CAPZB: variants seen among roughly 807,000 people sequenced by gnomAD.
CAPZB encodes the protein capping actin protein of muscle Z-line subunit beta.
In CAPZB, 2 loss-of-function variants were observed where a neutral mutation model predicts 38.1. The observed-to-expected ratio is 0.05, with a 90% CI of 0.02 to 0.17. The LOEUF is 0.17. Among genes scored for constraint, CAPZB ranks in the 10% least tolerant of loss-of-function variants. The pLI is 1.00. For synonymous variants in CAPZB, 107 were observed against 127.4 expected, an observed-to-expected ratio of 0.84 and a Z score of 1.08; for missense variants, 161 against 334.2, an observed-to-expected ratio of 0.48 and a Z score of 4.04.
intron 1 of CAPZB, chr1:19,448,880 C>T (rs760754272): frequency 3.1e-6 from 5 of 1,612,746 alleles, no homozygotes; most frequent in Admixed American, 3.3e-5. Flanking sequence ...AAGGCCTGGG[C>T]GAGAGAACCC....
intron 6 of CAPZB, among the ~76,000 whole-genome samples, chr1:19,355,102 G>A (rs982986140): frequency 2.6e-5 from 4 of 152,148 alleles, no homozygotes; most frequent in African/African-American, 9.7e-5. Flanking sequence ...GTGGAGGGAG[G>A]GTCCCAGGTA....
At chr1:19,378,318 A>G (rs1443262009) in intron 4 of CAPZB, among the ~76,000 whole-genome samples, 1 of 152,200 alleles carries the variant, frequency 6.6e-6, no homozygotes, top group Non-Finnish European at 1.5e-5. Context: ...TCATCTCATA[A>G]CCAACCCAAC....
chr1:19,440,450 G>A lies in CAPZB; in HGVS notation c.4-20700C>T, dbSNP rs374797852. On this transcript the variant is annotated intron_variant, in intron 1 of 8. Coordinates refer to ENST00000264202, the MANE Select transcript of CAPZB (RefSeq NM_004930.5). ...CTTATGCAGATTAAGCATTTCCCCT[G>A]AAATCCAACCCTCACAGCTCAGTCC... Among the ~76,000 whole-genome samples the A allele has an allele frequency of 1.5e-4, 23 of 152,250 alleles. No individual in the cohort carries two copies. In the East Asian group the frequency reaches 3.7e-3, roughly 24 times the overall value.
At chr1:19,443,224 CAAA>C (rs60052942) in intron 1 of CAPZB, among the ~76,000 whole-genome samples, 2 of 138,850 alleles carry the variant, frequency 1.4e-5, no homozygotes, top group Non-Finnish European at 3.1e-5. Flanking sequence ...CCCATCTCTA[CAAA>C]AAAAAAAAAT....
intron 2 of CAPZB, among the ~76,000 whole-genome samples, chr1:19,403,231 C>T (rs977610044): frequency 1.3e-5 from 2 of 152,116 alleles, no homozygotes; most frequent in Non-Finnish European, 2.9e-5. Flanking sequence ...ACTGAATGTC[C>T]GCTTCAGGCT....
At chr1:19,375,325 T>C (rs979224795) in intron 4 of CAPZB, among the ~76,000 whole-genome samples, 1 of 151,904 alleles carries the variant, frequency 6.6e-6, no homozygotes, top group Non-Finnish European at 1.5e-5. Flanking sequence ...ACTGGGTGAG[T>C]CAAAATTCAT....
rs969626750 is a variant in CAPZB, at chr1:19,460,701, C to T, written c.3+24735G>A. 7.3e-5 allele frequency among the ~76,000 whole-genome samples: 11 copies of T among 151,164 alleles called. No homozygotes were observed. In the South Asian group the frequency reaches 2.3e-3, roughly 31 times the overall value. ...GTGCAGGGATTACAGGCATGAGCCA[C>T]CAAGTTCTGATCAACGGTACTAACC... is the stretch of plus-strand genomic sequence containing the variant. On this transcript the variant is annotated intron_variant, in intron 1 of 8. Coordinates refer to ENST00000264202, the MANE Select transcript of CAPZB (RefSeq NM_004930.5).
intron 1 of CAPZB, among the ~76,000 whole-genome samples, chr1:19,444,399 G>A (rs966332116): frequency 6.6e-6 from 1 of 151,980 alleles, no homozygotes; most frequent in Admixed American, 6.6e-5. Context: ...AACACTCTAG[G>A]GTCCAACCCT....
At chr1:19,396,765 A>AC (rs1378851430) in intron 2 of CAPZB, among the ~76,000 whole-genome samples, 6 of 143,124 alleles carry the variant, frequency 4.2e-5, no homozygotes, top group Non-Finnish European at 6.1e-5. Context: ...ACACGGTGAA[A>AC]CCCCACCTCT....
intron 3 of CAPZB, among the ~76,000 whole-genome samples, chr1:19,382,753 G>C (rs541932583): frequency 3.7e-4 from 57 of 152,150 alleles, no homozygotes; most frequent in Non-Finnish European, 7.2e-4. Flanking sequence ...CCTTCCACCA[G>C]CTCCTGCAGA....
intron 2 of CAPZB, among the ~76,000 whole-genome samples, chr1:19,413,479 G>A (rs758227384): frequency 3.3e-4 from 51 of 152,240 alleles, no homozygotes; most frequent in African/African-American, 9.9e-4. Context: ...GACCACAGGC[G>A]CATGCCACCA....
intron 1 of CAPZB, among the ~76,000 whole-genome samples, chr1:19,450,373 G>T (rs993392700): frequency 6.6e-6 from 1 of 152,072 alleles, no homozygotes; most frequent in Non-Finnish European, 1.5e-5. Flanking sequence ...ATGTCCCAAA[G>T]AACATTTCCT....
intron 2 of CAPZB, among the ~76,000 whole-genome samples, chr1:19,391,235 C>A (rs979037370): frequency 6.6e-6 from 1 of 152,034 alleles, no homozygotes; most frequent in East Asian, 1.9e-4. Context: ...AATTGTTCAA[C>A]CAGAAAAAGA....
At chr1:19,432,864 A>C (rs186348890) in intron 1 of CAPZB, among the ~76,000 whole-genome samples, 122 of 152,334 alleles carry the variant, frequency 8.0e-4, no homozygotes, top group African/African-American at 2.9e-3. Context: ...AAGCTCACAA[A>C]ATCAGATAGG....
intron 1 of CAPZB, among the ~76,000 whole-genome samples, chr1:19,431,734 TAAAAAATAAAAA>T (rs2100581266): frequency 1.2e-5 from 1 of 80,426 alleles, no homozygotes; most frequent in South Asian, 3.4e-4. Flanking sequence ...AAATAAAAAA[TAAAAAATAAAAA>T]ATAAAAAAAA....
chr1:19,355,792 C>G (rs138573364), intron 6 of CAPZB, among the ~76,000 whole-genome samples: 2 of 152,228 alleles, frequency 1.3e-5, no homozygotes, highest in Non-Finnish European at 2.9e-5. Flanking sequence ...TCCCCCTTTA[C>G]GCCAAGCATC....
intron 4 of CAPZB, among the ~76,000 whole-genome samples, chr1:19,366,218 G>A (rs1045878935): frequency 2.7e-5 from 4 of 149,128 alleles, no homozygotes; most frequent in South Asian, 2.1e-4. Context: ...AGGCCAAGGT[G>A]GGGGGATCAC....
intron 1 of CAPZB, among the ~76,000 whole-genome samples, chr1:19,425,713 C>G (rs1558250506): frequency 6.6e-6 from 1 of 152,152 alleles, no homozygotes. Context: ...AATAAGAAAT[C>G]AGTCAAATAA....
chr1:19,433,245 T>TACA (rs1371818549), intron 1 of CAPZB, among the ~76,000 whole-genome samples: 2 of 152,214 alleles, frequency 1.3e-5, no homozygotes, highest in Non-Finnish European at 2.9e-5. Flanking sequence ...AGGGATGCCG[T>TACA]ACATGTTGTC....
Sources: allele counts gnomAD v4.1 joint callset (sites outside exome capture counted in the v4.1 genomes callset), GRCh38; gene constraint gnomAD v4.1.1; transcripts MANE v1.5; gene names NCBI Gene and HGNC (gene_info 2026-07-23, HGNC 2026-07-21).